Variants in PRKG1 observed in about 807,000 individuals in gnomAD.
PRKG1 encodes the protein cGMP-dependent protein kinase 1.
PRKG1 carries 35 observed loss-of-function variants against 88.1 expected under a neutral mutation model. The ratio of observed to expected loss-of-function variants is 0.40; its 90% CI spans 0.30 to 0.53. The LOEUF (loss-of-function observed/expected upper bound fraction) is 0.53. PRKG1 is among the 20% of genes least tolerant of loss of function. PRKG1 has a pLI of 0.59. For missense variants in PRKG1, 540 were observed against 839.8 expected (o/e 0.64, Z 4.41); for synonymous variants, 303 against 292.5 (o/e 1.04, Z -0.37).
intron 8 of PRKG1, among the ~76,000 whole-genome samples, chr10:52,136,475 C>T (rs1837425719): frequency 6.6e-6 from 1 of 151,948 alleles, no homozygotes; most frequent in African/African-American, 2.4e-5. Context: ...GAGACTAAGG[C>T]TTTTCCCTAA....
chr10:52,171,683 T>C (rs1477540172), intron 9 of PRKG1, among the ~76,000 whole-genome samples: 1 of 150,096 alleles, frequency 6.7e-6, no homozygotes, highest in East Asian at 2.0e-4. Context: ...AATCCAATGC[T>C]CTTTCAAGTG....
chr10:51,109,502 A>G (rs573064834), intron 1 of PRKG1, among the ~76,000 whole-genome samples: 1 of 152,158 alleles, frequency 6.6e-6, no homozygotes, highest in Non-Finnish European at 1.5e-5. Context: ...TTCTTCAAGA[A>G]ACAGTGAGTG....
chr10:51,567,743 C>T (rs974078918), intron 3 of PRKG1, among the ~76,000 whole-genome samples: 20 of 152,008 alleles, frequency 1.3e-4, no homozygotes, highest in Admixed American at 1.1e-3. Context: ...TGCACCACCA[C>T]GCCCAGCTAA....
intron 12 of PRKG1, among the ~76,000 whole-genome samples, chr10:52,274,572 C>CAT (rs200934957): frequency 0.011 from 1,613 of 151,208 alleles, 28 homozygotes; most frequent in African/African-American, 0.037. Flanking sequence ...TATATGCCCT[C>CAT]ATATATATAT....
At chr10:51,126,530 A>C (rs1300825019) in intron 1 of PRKG1, among the ~76,000 whole-genome samples, 1 of 146,674 alleles carries the variant, frequency 6.8e-6, no homozygotes, top group East Asian at 2.0e-4. Context: ...GAATCATATA[A>C]ATTTATTAAA....
intron 5 of PRKG1, among the ~76,000 whole-genome samples, chr10:51,944,042 C>T (rs7086616): frequency 0.063 from 9,577 of 151,934 alleles, 1,038 homozygotes; most frequent in African/African-American, 0.21. Flanking sequence ...CCAGTTCCTC[C>T]TTGTACCTCT....
chr10:51,812,503 A>T (rs1412155126), intron 4 of PRKG1, among the ~76,000 whole-genome samples: 1 of 152,248 alleles, frequency 6.6e-6, no homozygotes, highest in East Asian at 1.9e-4. Context: ...TGCTAAGTGT[A>T]CTTCTCAGAT....
At chr10:51,864,224 T>C (rs571471173) in intron 4 of PRKG1, among the ~76,000 whole-genome samples, 1 of 152,338 alleles carries the variant, frequency 6.6e-6, no homozygotes, top group East Asian at 1.9e-4. Context: ...CCTACTACTA[T>C]AATCAAACCT....
Position 51,933,713 on chromosome 10 carries a change from A to C in PRKG1, c.762+26143A>C, listed in dbSNP as rs561285485. ...AGTAAATAATAATACTTCTGATGTC[A>C]TAAGGTTATTGTGAGGATTAAATAA... On this transcript the variant is annotated intron_variant, in intron 5 of 17. Coordinates refer to ENST00000373980, the MANE Select transcript of PRKG1 (RefSeq NM_006258.4). Among the ~76,000 whole-genome samples the C allele has an allele frequency of 2.0e-3, 304 of 152,186 alleles. 2 individuals carry two copies. Among genetic ancestry groups the C allele is most frequent in the Admixed American group, 3.3e-3 (51 of 15,262 alleles).
At chr10:51,317,862 A>G (rs2132502575) in intron 2 of PRKG1, among the ~76,000 whole-genome samples, 1 of 151,764 alleles carries the variant, frequency 6.6e-6, no homozygotes, top group South Asian at 2.1e-4. Context: ...TTCCTCTAGC[A>G]TAGCTGATTT....
intron 4 of PRKG1, among the ~76,000 whole-genome samples, chr10:51,847,370 A>T (rs910628541): frequency 4.6e-5 from 7 of 152,150 alleles, no homozygotes; most frequent in Non-Finnish European, 1.0e-4. Context: ...TTGTTACAGA[A>T]TAAGGGAGTG....
At chr10:50,995,218 G>T (rs1283353642) in intron 1 of PRKG1, among the ~76,000 whole-genome samples, 1 of 152,144 alleles carries the variant, frequency 6.6e-6, no homozygotes, top group Non-Finnish European at 1.5e-5. Flanking sequence ...GAAGGAAATG[G>T]AATTCATTAA....
chr10:51,590,829 G>T (rs1838294872), intron 3 of PRKG1, among the ~76,000 whole-genome samples: 1 of 151,972 alleles, frequency 6.6e-6, no homozygotes. Context: ...GGGTGGGGTG[G>T]TATTGCAACC....
chr10:51,435,115 T>C (rs1051411261), intron 2 of PRKG1, among the ~76,000 whole-genome samples: 3 of 152,082 alleles, frequency 2.0e-5, no homozygotes, highest in African/African-American at 4.8e-5. Context: ...ACTTTCATGA[T>C]AATGACTAGG....
At chr10:51,467,898 T>C (rs1377234834) in intron 3 of PRKG1, 62 bp downstream of exon 3, 1 of 1,284,694 alleles carries the variant, frequency 7.8e-7, no homozygotes, top group South Asian at 1.2e-5. Flanking sequence ...CTTTGAGATG[T>C]TGTTTAAAAT....
intron 3 of PRKG1, among the ~76,000 whole-genome samples, chr10:51,603,318 G>A (rs781773158): frequency 1.3e-5 from 2 of 152,048 alleles, no homozygotes; most frequent in East Asian, 1.9e-4. Context: ...GGAGATGGCC[G>A]GGACTTTCAA....
At chr10:51,630,556 A>G (rs1020699705) in intron 3 of PRKG1, among the ~76,000 whole-genome samples, 2 of 152,150 alleles carry the variant, frequency 1.3e-5, no homozygotes, top group Non-Finnish European at 2.9e-5. Context: ...AGTGCACATA[A>G]CATACCCTCA....
intron 5 of PRKG1, among the ~76,000 whole-genome samples, chr10:52,008,296 A>C (rs956164762): frequency 6.6e-5 from 10 of 152,168 alleles, no homozygotes; most frequent in Admixed American, 2.6e-4. Context: ...ACTGAAGGAA[A>C]TTGAAACGTG....
At chr10:51,531,792 CCG>C (rs1842024114) in intron 3 of PRKG1, among the ~76,000 whole-genome samples, 13 of 151,462 alleles carry the variant, frequency 8.6e-5, no homozygotes, top group African/African-American at 3.2e-4. Flanking sequence ...TTACAGGCTC[CCG>C]ACACTGTGCC....
Sources: allele counts gnomAD v4.1 joint callset (sites outside exome capture counted in the v4.1 genomes callset), GRCh38; gene constraint gnomAD v4.1.1; transcripts MANE v1.5; gene names NCBI Gene and HGNC (gene_info 2026-07-23, HGNC 2026-07-21).